RERE: variants seen among roughly 807,000 people sequenced by gnomAD.
RERE encodes arginine-glutamic acid dipeptide repeats protein.
RERE carries 40 observed loss-of-function variants against 146.1 expected under a neutral mutation model. The ratio of observed to expected loss-of-function variants is 0.27; its 90% CI spans 0.21 to 0.36. The LOEUF (loss-of-function observed/expected upper bound fraction) is 0.36, where lower values mean the gene tolerates loss of function less well. Ranked by LOEUF, RERE falls within the 10% of genes least tolerant of loss-of-function variation. The pLI, the probability that RERE is intolerant of heterozygous loss-of-function variation, is 1.00. For missense variants in RERE, 1,933 were observed against 2,138.7 expected (o/e 0.90, Z 1.90); for synonymous variants, 1,003 against 866.0 (o/e 1.16, Z -2.78).
rs751246286 is a variant in RERE, at chr1:8,360,069, G to C, written c.3395+43C>G. 6 of 1,260,032 alleles carry C rather than the reference G, an allele frequency of 4.8e-6. No homozygotes were observed. In the South Asian group the frequency reaches 7.4e-5, roughly 16 times the overall value. 78.1% of individuals were successfully genotyped at this position (1,260,032 alleles called of 1,614,324 possible). ...CTCCCACCAGAACTTGCCCCCACCA[G>C]CCCACCTGTGCCTGACCCGTCCTGG... On this transcript the variant is annotated intron_variant, in intron 18 of 22. Coordinates refer to ENST00000400908, the MANE Select transcript of RERE (RefSeq NM_001042681.2).
At chr1:8,402,448 T>C (rs1643294571) in intron 12 of RERE, among the ~76,000 whole-genome samples, 1 of 152,172 alleles carries the variant, frequency 6.6e-6, no homozygotes, top group African/African-American at 2.4e-5. Flanking sequence ...CCATTCAAAA[T>C]TCCTGAACCA....
intron 8 of RERE, among the ~76,000 whole-genome samples, chr1:8,507,807 T>C (rs1645276498): frequency 7.8e-6 from 1 of 127,998 alleles, no homozygotes; most frequent in Non-Finnish European, 1.6e-5. Context: ...GGCCACAGTC[T>C]TGGCTCACTG....
chr1:8,766,284 T>C (rs1640843341), intron 1 of RERE, among the ~76,000 whole-genome samples: 1 of 151,978 alleles, frequency 6.6e-6, no homozygotes, highest in South Asian at 2.1e-4. Flanking sequence ...CTCACGCCTA[T>C]AATCCCCGCA....
chr1:8,533,500 T>C (rs929058904), intron 7 of RERE, among the ~76,000 whole-genome samples: 1 of 152,146 alleles, frequency 6.6e-6, no homozygotes, highest in Non-Finnish European at 1.5e-5. Flanking sequence ...GATGAGGGTG[T>C]CTCCCATTAA....
At position 8,358,457 on chromosome 1, in the gene RERE, C is replaced by A; in HGVS notation, c.4078G>T (p.Gly1360Trp). The A allele has an allele frequency of 6.3e-7, 1 of 1,585,566 alleles. No individual in the cohort carries two copies. Residue 1360 changes from glycine (G) to tryptophan (W), a missense_variant, in exon 20 of 23, where the codon GGG becomes TGG. Physicochemically the swap from Gly to Trp is radical, Grantham distance 184. Transcript: ENST00000400908. ...HSALTIPPTA[G>W]PHPFASFHPG... is the part of the protein sequence containing the mutation. ...TGGAAAGAAGCAAAAGGGTGGGGCC[C>A]GGCGGTCGGGGGGATGGTGAGGGCG...
At position 8,360,983 on chromosome 1, in the gene RERE, C is replaced by A. The variant is rs1323603047; in HGVS notation, c.2524G>T (p.Ala842Ser). The A allele has an allele frequency of 3.5e-6, 5 of 1,441,294 alleles. No individual in the cohort carries two copies. The South Asian group carries it at 5.8e-5, about 17-fold the overall frequency. 89.3% of individuals were successfully genotyped at this position (1,441,294 alleles called of 1,614,324 possible). The part of the protein sequence containing the change: ...SAGQPSAPSH[A>S]QPPLHGQGPP... ...CCCTGACCGTGCAGTGGGGGCTGGG[C>A]ATGAGAGGGTGCAGAAGGCTGGCCC... The change falls in exon 18 of 23, where the codon GCC (alanine) becomes TCC (serine). Residue 842 changes from alanine (A) to serine (S), a missense_variant. Ala to Ser is a moderately conservative substitution (Grantham distance 99). Transcript: ENST00000400908.
At chr1:8,372,507 C>CGTGT (rs6143111) in intron 12 of RERE, among the ~76,000 whole-genome samples, 5,198 of 131,776 alleles carry the variant, frequency 0.039, 144 homozygotes, top group South Asian at 0.055. Flanking sequence ...ACCATCAGGT[C>CGTGT]GTGTGTGTGT....
intron 12 of RERE, among the ~76,000 whole-genome samples, chr1:8,421,460 T>TTC (rs756308364): frequency 6.6e-6 from 1 of 152,236 alleles, no homozygotes; most frequent in South Asian, 2.1e-4. Context: ...ATAAACAGGT[T>TTC]TCTCTCTCTC....
intron 1 of RERE, among the ~76,000 whole-genome samples, chr1:8,687,376 C>A (rs1639114322): frequency 6.6e-6 from 1 of 152,068 alleles, no homozygotes; most frequent in African/African-American, 2.4e-5. Flanking sequence ...AGTAGGAAGC[C>A]CACCATGAGG....
chr1:8,489,051 G>GA (rs1031220743), intron 10 of RERE, among the ~76,000 whole-genome samples: 83 of 152,040 alleles, frequency 5.5e-4, no homozygotes, highest in African/African-American at 1.8e-3. Flanking sequence ...CAACATTAAG[G>GA]AAAAAAAGTC....
At chr1:8,681,795 G>A (rs77863639) in intron 1 of RERE, among the ~76,000 whole-genome samples, 1,913 of 152,246 alleles carry the variant, frequency 0.013, 38 homozygotes, top group African/African-American at 0.044. Flanking sequence ...AAATAAAGAA[G>A]TTTAATCTTT....
Position 8,463,631 on chromosome 1 carries a change from C to T in RERE, c.1203+2294G>A, listed in dbSNP as rs550969502. Among the ~76,000 whole-genome samples the T allele has an allele frequency of 2.0e-5, 3 of 151,850 alleles. No individual in the cohort carries two copies. The South Asian group carries it at 6.2e-4, about 32-fold the overall frequency. On this transcript the variant is annotated intron_variant, in intron 11 of 22. Coordinates refer to ENST00000400908, the MANE Select transcript of RERE (RefSeq NM_001042681.2). Reference sequence around the variant, plus strand: ...AAATTCCAGAGGGAATGAAAGGTCACAAGAGAAATGAAAGAAGGGAGAGAG... The same window carrying T: ...AAATTCCAGAGGGAATGAAAGGTCATAAGAGAAATGAAAGAAGGGAGAGAG...
Position 8,700,876 on chromosome 1 carries a change from T to C in RERE, c.-144-44435A>G, listed in dbSNP as rs190609186. ...TGGCCTTGGAAAAGCATGGTAAATA[T>C]AATACCTACTAATAAGTTACATGGT... On this transcript the variant is annotated intron_variant, in intron 1 of 22. Transcript: ENST00000400908. Among the ~76,000 whole-genome samples, 127 of 152,264 alleles carry C rather than the reference T, an allele frequency of 8.3e-4. 1 individual carries two copies. The highest frequency in any genetic ancestry group is 1.3e-3 in the Non-Finnish European group (90 of 68,020).
intron 1 of RERE, among the ~76,000 whole-genome samples, chr1:8,720,785 G>T (rs1039397756): frequency 2.6e-5 from 4 of 152,242 alleles, no homozygotes; most frequent in African/African-American, 9.7e-5. Flanking sequence ...GCCGGGCACA[G>T]TGGCTCACGC....
chr1:8,724,132 T>G (rs1381940918), intron 1 of RERE, among the ~76,000 whole-genome samples: 2 of 152,222 alleles, frequency 1.3e-5, no homozygotes, highest in South Asian at 2.1e-4. Flanking sequence ...AATGATGTCA[T>G]TTATATCATG....
intron 2 of RERE, among the ~76,000 whole-genome samples, chr1:8,627,510 G>A (rs1247297445): frequency 6.6e-6 from 1 of 151,292 alleles, no homozygotes; most frequent in South Asian, 2.1e-4. Context: ...TTAGAGGCAG[G>A]AGGATTGCTT....
rs762952257 is a variant in RERE, at chr1:8,360,178, G to T, written c.3329C>A (p.Pro1110Gln). The T allele has an allele frequency of 7.5e-6, 12 of 1,598,194 alleles. No homozygotes were observed. Among genetic ancestry groups the T allele is most frequent in the South Asian group, 2.2e-5 (2 of 88,908 alleles). The change falls in exon 18 of 23, where the codon CCA becomes CAA. Residue 1110 changes from proline to glutamine, a missense_variant. By Grantham distance (76) the Pro-to-Gln change is moderately conservative. Around this residue, in one of 11 missense-constraint regions of RERE, gnomAD observed 1,255 missense variants for 1,153.8 expected, o/e 1.09. Transcript: ENST00000400908. ...GGGCTCCGGGGACGGGCTCCTTGGT[G>T]GGGGAGGGGGGCTCTCAGGCTCCTC... ...DAEEPESPPP[P>Q]PRSPSPEPTV...
intron 3 of RERE, among the ~76,000 whole-genome samples, chr1:8,616,629 T>G (rs1233896844): frequency 6.6e-6 from 1 of 152,170 alleles, no homozygotes; most frequent in Non-Finnish European, 1.5e-5. Flanking sequence ...GTAAATAACA[T>G]TTTCAGAAAT....
intron 4 of RERE, among the ~76,000 whole-genome samples, chr1:8,612,937 T>C (rs1469363004): frequency 1.3e-5 from 2 of 152,236 alleles, no homozygotes; most frequent in Non-Finnish European, 2.9e-5. Flanking sequence ...ATTCCAAGGT[T>C]TCCATAATGT....
Sources: gnomAD v4.1 joint callset for allele counts (sites outside exome capture counted in the v4.1 genomes callset) on GRCh38, gnomAD v4.1.1 for gene constraint, gnomAD v4.1.1 regional missense constraint, MANE v1.5 for transcripts, NCBI Gene and HGNC (gene_info 2026-07-23, HGNC 2026-07-21) for gene names.